Variants in RAD18 observed in about 807,000 individuals in gnomAD.
The protein encoded by RAD18 is RAD18 E3 ubiquitin protein ligase.
Under a neutral mutation model 60.4 loss-of-function variants are expected in RAD18, and 47 were observed. That is an observed-to-expected ratio of 0.78 (90% CI 0.62 to 0.99). The LOEUF (loss-of-function observed/expected upper bound fraction) is 0.99, where lower values mean the gene tolerates loss of function less well. RAD18 is among the 50% of genes least tolerant of loss of function. The probability of loss-of-function intolerance (pLI) is 0.00; values close to 1 mark genes in which losing one functional copy is unlikely to be tolerated. For missense variants in RAD18, 640 were observed against 593.3 expected (o/e 1.08, Z -0.82); for synonymous variants, 225 against 195.5 (o/e 1.15, Z -1.26).
intron 7 of RAD18, among the ~76,000 whole-genome samples, chr3:8,928,096 T>C (rs981285699): frequency 1.3e-5 from 2 of 148,612 alleles, no homozygotes; most frequent in Non-Finnish European, 3.0e-5. Context: ...CCTTCCATTA[T>C]ACATGAAGTA....
At chr3:8,936,162 T>C (rs1575555511) in intron 6 of RAD18, 107 bp from the exon 7 acceptor site, 3 of 1,056,860 alleles carry the variant, frequency 2.8e-6, no homozygotes, top group South Asian at 2.0e-5. Context: ...GGGAAAATAG[T>C]AGAACCATTA....
chr3:8,902,603 G>C (rs1939933215), intron 9 of RAD18, 83 bp from the exon 10 acceptor site: 1 of 1,359,862 alleles, frequency 7.4e-7, no homozygotes, highest in African/African-American at 1.5e-5. Flanking sequence ...ATCAAGAGGT[G>C]TACAAGGGAT....
chr3:8,891,899 C>T (rs673997), intron 11 of RAD18, among the ~76,000 whole-genome samples: 127,476 of 152,222 alleles, frequency 0.84, 53,627 homozygotes, highest in South Asian at 0.9. Context: ...TGCTTATTAC[C>T]ATATCTGCTC....
intron 7 of RAD18, among the ~76,000 whole-genome samples, chr3:8,914,995 T>TTA: frequency 1.3e-5 from 2 of 150,818 alleles, no homozygotes; most frequent in African/African-American, 4.9e-5. Flanking sequence ...AAAAATTTTT[T>TTA]AAAATTAGCC....
chr3:8,948,697 T>C (rs1332870797), intron 2 of RAD18, 127 bp from the exon 3 acceptor site: 1 of 704,612 alleles, frequency 1.4e-6, no homozygotes, highest in Admixed American at 2.9e-5. Context: ...TAAGCTTAAA[T>C]TTCTAGTACC....
intron 1 of RAD18, among the ~76,000 whole-genome samples, chr3:8,959,608 G>A (rs1172940888): frequency 1.3e-5 from 2 of 152,196 alleles, no homozygotes; most frequent in Admixed American, 1.3e-4. Flanking sequence ...GGAAAGAGCT[G>A]GGGCAGTGAA....
chr3:8,890,106 A>C, intron 12 of RAD18: 1 of 407,144 alleles, frequency 2.5e-6, no homozygotes, highest in East Asian at 4.7e-5. Context: ...CTCAGGACGT[A>C]TCCCCATTGT....
At chr3:8,952,362 A>G (rs1574827566) in intron 2 of RAD18, among the ~76,000 whole-genome samples, 1 of 152,256 alleles carries the variant, frequency 6.6e-6, no homozygotes, top group East Asian at 1.9e-4. Context: ...TCTTTATACT[A>G]TAAGAAGTCT....
At chr3:8,939,426 T>C (rs988473880) in intron 6 of RAD18, 128 bp downstream of exon 6, 3 of 686,934 alleles carry the variant, frequency 4.4e-6, no homozygotes, top group Non-Finnish European at 7.1e-6. Context: ...CCAACAGGAG[T>C]AAAGAAGAAA....
intron 6 of RAD18, among the ~76,000 whole-genome samples, chr3:8,939,095 T>A (rs985754326): frequency 6.6e-6 from 1 of 152,104 alleles, no homozygotes. Context: ...TTTTATATCA[T>A]ATATATTTAT....
At chr3:8,949,690 C>T (rs556850561) in intron 2 of RAD18, among the ~76,000 whole-genome samples, 107 of 152,138 alleles carry the variant, frequency 7.0e-4, no homozygotes, top group Admixed American at 1.8e-3. Context: ...GTAATACAGA[C>T]AATCACAACT....
chr3:8,932,781 C>T (rs1940581550), intron 7 of RAD18, among the ~76,000 whole-genome samples: 1 of 152,120 alleles, frequency 6.6e-6, no homozygotes, highest in South Asian at 2.1e-4. Flanking sequence ...GGCTATAAAG[C>T]AGAACACTGC....
chr3:8,916,857 A>T (rs1449656063), intron 7 of RAD18, among the ~76,000 whole-genome samples: 1 of 152,158 alleles, frequency 6.6e-6, no homozygotes, highest in Non-Finnish European at 1.5e-5. Flanking sequence ...GAGCTATGGG[A>T]CAATATCAAG....
intron 7 of RAD18, among the ~76,000 whole-genome samples, chr3:8,924,644 T>C (rs1371504167): frequency 1.5e-5 from 2 of 132,284 alleles, no homozygotes; most frequent in East Asian, 2.0e-4. Flanking sequence ...TATTCCAAAA[T>C]TGACCATAGT....
At chr3:8,922,185 T>A (rs1263673098) in intron 7 of RAD18, among the ~76,000 whole-genome samples, 1 of 152,194 alleles carries the variant, frequency 6.6e-6, no homozygotes, top group Non-Finnish European at 1.5e-5. Context: ...TTCCCTTTCC[T>A]AGCCAAGGAA....
At chr3:8,951,805 AC>A (rs1940929950) in intron 2 of RAD18, among the ~76,000 whole-genome samples, 3 of 152,224 alleles carry the variant, frequency 2.0e-5, no homozygotes, top group Admixed American at 2.0e-4. Context: ...GGCAGGTTAA[AC>A]AACAGAAATT....
rs535383116 is a variant in RAD18, at chr3:8,879,964, T to C, written c.*1393A>G. 88 of 152,364 alleles carry C rather than the reference T, an allele frequency of 5.8e-4. No homozygotes were observed. The highest frequency in any genetic ancestry group is 2.1e-3 in the African/African-American group (87 of 41,584). The allele number at this position is 152,364 out of a possible 1,614,324, so 9.4% of individuals were successfully genotyped here. A position where few individuals can be genotyped will look rare whatever the true frequency, so the allele number is the denominator to read the frequency against. On this transcript the variant is annotated 3_prime_UTR_variant, in exon 13 of 13. Transcript: ENST00000264926. ...TTTGACATAATTTCTGACAACTCAG[T>C]GACATAAATATATCCATGTGAGCTC... is the stretch of plus-strand genomic sequence containing the variant.
rs377640802 is a variant in RAD18, at chr3:8,935,879, G to A, written c.881C>T (p.Pro294Leu). 1.9e-6 allele frequency: 3 copies of A among 1,577,610 alleles called. No individual in the cohort carries two copies. The highest frequency in any genetic ancestry group is 2.8e-5 in the African/African-American group (2 of 72,626). The part of the protein sequence containing the change: ...MYNAQCDALH[P>L]KSAAEIVREI... ...CTGTTTTATTACTTTACCTGATTTA[G>A]GATGCAAAGCATCGCATTGGGCATT... Residue 294 changes from proline (P) to leucine (L), a missense_variant, in exon 7 of 13, where the codon CCT becomes CTT. Transcript: ENST00000264926.
chr3:8,895,136 A>T (rs1166697650), intron 11 of RAD18, among the ~76,000 whole-genome samples: 1 of 151,914 alleles, frequency 6.6e-6, no homozygotes, highest in Admixed American at 6.6e-5. Flanking sequence ...AAAAAAAAAA[A>T]CTCACCACCT....
Sources: gnomAD v4.1 joint callset for allele counts (sites outside exome capture counted in the v4.1 genomes callset) on GRCh38, gnomAD v4.1.1 for gene constraint, MANE v1.5 for transcripts, NCBI Gene and HGNC (gene_info 2026-07-23, HGNC 2026-07-21) for gene names.